Variants in ABCA12 observed in about 807,000 individuals in gnomAD.
ABCA12 encodes the protein glucosylceramide transporter ABCA12.
In ABCA12, 156 loss-of-function variants were observed where a neutral mutation model predicts 293.5. The observed-to-expected ratio is 0.53, with a 90% CI of 0.47 to 0.61. The LOEUF (loss-of-function observed/expected upper bound fraction) is 0.61. ABCA12 is among the 20% of genes least tolerant of loss of function. The pLI, the probability that ABCA12 is intolerant of heterozygous loss-of-function variation, is 0.00. For synonymous variants in ABCA12, 1,063 were observed against 1,108.0 expected (o/e 0.96, Z 0.81); for missense variants, 2,797 against 3,090.2 (o/e 0.91, Z 2.25).
intron 17 of ABCA12, among the ~76,000 whole-genome samples, chr2:215,011,047 A>G (rs1223286125): frequency 6.6e-6 from 1 of 152,074 alleles, no homozygotes; most frequent in African/African-American, 2.4e-5. Flanking sequence ...AATTCTAGAA[A>G]GTTAGGAAAA....
Position 215,138,343 on chromosome 2 carries a change from G to T in ABCA12, c.-135C>A. 2.2e-6 allele frequency: 2 copies of T among 908,470 alleles called. No homozygotes were observed. Among genetic ancestry groups the T allele is most frequent in the Non-Finnish European group, 1.8e-6 (1 of 549,284 alleles). 56.3% of individuals were successfully genotyped at this position (908,470 alleles called of 1,614,324 possible). A position where few individuals can be genotyped will look rare whatever the true frequency, so the allele number is the denominator to read the frequency against. ...CGGCATAGCTTCCTTGAGGGCTGGG[G>T]TAAGAAACCCACAGTTCTTCTGTTT... On this transcript the variant is annotated 5_prime_UTR_variant, in exon 1 of 53. Coordinates refer to ENST00000272895, the MANE Select transcript of ABCA12 (RefSeq NM_173076.3).
rs1274545447 is a variant in ABCA12 at position 214,931,906 on chromosome 2, C to T, written c.*728G>A. On this transcript the variant is annotated 3_prime_UTR_variant, in exon 53 of 53. Coordinates refer to ENST00000272895, the MANE Select transcript of ABCA12 (RefSeq NM_173076.3). Reference sequence around the variant, plus strand: ...CAGCTGACACACCCATTCCCCCCTCCCTTCCCCCCAGAGCAAGTGATTTCT... The same window carrying T: ...CAGCTGACACACCCATTCCCCCCTCTCTTCCCCCCAGAGCAAGTGATTTCT... The T allele has an allele frequency of 6.6e-6, 1 of 152,112 alleles. No individual in the cohort carries two copies. Among genetic ancestry groups the T allele is most frequent in the Non-Finnish European group, 1.5e-5 (1 of 68,090 alleles). The allele number at this position is 152,112 out of a possible 1,614,324, so 9.4% of individuals were successfully genotyped here. A position where few individuals can be genotyped will look rare whatever the true frequency, so the allele number is the denominator to read the frequency against.
intron 37 of ABCA12, 21 bp downstream of exon 37, chr2:214,970,252 G>A (rs1185763204): frequency 1.2e-6 from 2 of 1,607,554 alleles, no homozygotes; most frequent in Middle Eastern, 2.0e-4. Flanking sequence ...AATTAAATAT[G>A]TTATAAACAG....
rs1559129128 is a variant in ABCA12 at position 214,982,373 on chromosome 2, C to A, written c.4393G>T (p.Asp1465Tyr). 1 of 1,613,656 alleles carries A rather than the reference C, an allele frequency of 6.2e-7. No individual in the cohort carries two copies. The highest frequency in any genetic ancestry group is 8.5e-7 in the Non-Finnish European group (1 of 1,179,724). Reference protein sequence around the residue: ...LHEEVKRTLKDTGLYSHRHKR... With the variant: ...LHEEVKRTLKYTGLYSHRHKR... ...TGACGATGGCTATATAGTCCAGTAT[C>A]TTTTAAAGTCCTTCAAAAATAATGT... The change falls in exon 30 of 53, where the codon GAT (aspartate) becomes TAT (tyrosine). Residue 1465 changes from aspartate to tyrosine, a missense_variant. Asp to Tyr is a radical substitution (Grantham distance 160, BLOSUM62 -3). This residue lies in a region of ABCA12 where 2,130 missense variants were observed against 2,427.0 expected (regional missense o/e 0.88). Coordinates refer to ENST00000272895, the MANE Select transcript of ABCA12 (RefSeq NM_173076.3).
rs1242587402 is a variant in ABCA12, at chr2:215,081,478, C to CAAAA, written c.164-17263_164-17260dup. Among the ~76,000 whole-genome samples the CAAAA allele has an allele frequency of 4.6e-4, 8 of 17,394 alleles. 1 individual carries two copies. Among genetic ancestry groups the CAAAA allele is most frequent in the Non-Finnish European group, 6.2e-4 (3 of 4,840 alleles). The allele number at this position is 17,394 out of a possible 152,430, so 11.4% of individuals were successfully genotyped here. A position where few individuals can be genotyped will look rare whatever the true frequency, so the allele number is the denominator to read the frequency against. ...TGGGCAGCAAAGCAAGACTCTGTCT[C>CAAAA]AAAAAAAAAAAAAAGAAAAAGAAAA... On this transcript the variant is annotated intron_variant, in intron 2 of 52. Coordinates refer to ENST00000272895, the MANE Select transcript of ABCA12 (RefSeq NM_173076.3).
At chr2:215,020,909 C>T (rs138135847) in intron 11 of ABCA12, 1,785 of 152,670 alleles carry the variant, frequency 0.012, 36 homozygotes, top group African/African-American at 0.039. Context: ...TACATTGGCA[C>T]GATCACAGCT....
At chr2:215,129,111 T>C (rs1406158818) in intron 1 of ABCA12, among the ~76,000 whole-genome samples, 1 of 152,214 alleles carries the variant, frequency 6.6e-6, no homozygotes, top group Non-Finnish European at 1.5e-5. Context: ...TCTGGACTAG[T>C]ACTGTGGGTT....
At chr2:215,097,557 A>G (rs1252607545) in intron 2 of ABCA12, among the ~76,000 whole-genome samples, 2 of 152,172 alleles carry the variant, frequency 1.3e-5, no homozygotes, top group African/African-American at 4.8e-5. Context: ...CTAGAAATCT[A>G]TGTAACAAAA....
intron 11 of ABCA12, chr2:215,023,337 G>T (rs1417472232): frequency 6.6e-6 from 1 of 152,092 alleles, no homozygotes; most frequent in African/African-American, 2.4e-5. Flanking sequence ...GGACTGAATG[G>T]GTCCCGTCAA....
At chr2:215,008,526 T>G (rs951193342) in intron 18 of ABCA12, among the ~76,000 whole-genome samples, 3 of 152,066 alleles carry the variant, frequency 2.0e-5, no homozygotes, top group Admixed American at 1.3e-4. Flanking sequence ...TTATACCTAT[T>G]GAGTTGGAAA....
chr2:215,126,899 C>T (rs1702937583), intron 1 of ABCA12, among the ~76,000 whole-genome samples: 1 of 151,936 alleles, frequency 6.6e-6, no homozygotes, highest in South Asian at 2.1e-4. Flanking sequence ...TCAATTTGTG[C>T]TCTTTCAGTC....
In ABCA12 at chr2:214,984,094, C is replaced by CTTTTTTTTTTTT. The variant is rs397987755; in HGVS notation, c.4164-241_4164-230dup. 4.2e-4 allele frequency among the ~76,000 whole-genome samples: 39 copies of CTTTTTTTTTTTT among 92,948 alleles called. 2 individuals are homozygous for CTTTTTTTTTTTT. The highest frequency in any genetic ancestry group is 8.4e-4 in the Admixed American group (5 of 5,938). 61.0% of individuals were successfully genotyped at this position (92,948 alleles called of 152,430 possible). On this transcript the variant is annotated intron_variant, in intron 28 of 52. Coordinates refer to ENST00000272895, the MANE Select transcript of ABCA12 (RefSeq NM_173076.3). ...ATGATGATGACAAAAACGATCAGGC[C>CTTTTTTTTTTTT]TTTTTTTTTTTTTTTTTTTTGAGAC...
intron 14 of ABCA12, chr2:215,017,640 CTTTT>C (rs1220749816): frequency 3.8e-4 from 59 of 156,290 alleles, no homozygotes; most frequent in East Asian, 8.4e-4. Flanking sequence ...GAATATAATT[CTTTT>C]TTTTTTTTTT....
Position 215,025,687 on chromosome 2 carries a change from C to G in ABCA12, c.1273G>C (p.Val425Leu). ...YEDYFPPVPE[V>L]LKSKLSQLRN... ...TCATGGCTTACTTTTGATTTTAGGA[C>G]TTCAGGAACTGGAGGAAAGTAATCT... The change falls in exon 11 of 53, where the codon GTC (valine) becomes CTC (leucine). Residue 425 changes from valine (V) to leucine (L), a missense_variant. Val to Leu is a conservative substitution (Grantham distance 32). Around this residue, in one of 3 missense-constraint regions of ABCA12, gnomAD observed 656 missense variants for 638.2 expected, o/e 1.03. Coordinates refer to ENST00000272895, the MANE Select transcript of ABCA12 (RefSeq NM_173076.3). 1 of 1,592,906 alleles carries G rather than the reference C, an allele frequency of 6.3e-7. No homozygotes were observed. The highest frequency in any genetic ancestry group is 8.6e-7 in the Non-Finnish European group (1 of 1,168,830).
intron 2 of ABCA12, among the ~76,000 whole-genome samples, chr2:215,077,896 A>C (rs1701863588): frequency 6.6e-6 from 1 of 152,158 alleles, no homozygotes; most frequent in South Asian, 2.1e-4. Context: ...ACAGTTGTTC[A>C]TAGCCTTATG....
At chr2:214,980,407 G>A in intron 31 of ABCA12, 76 bp downstream of exon 31, 1 of 1,572,166 alleles carries the variant, frequency 6.4e-7, no homozygotes, top group Non-Finnish European at 8.7e-7. Flanking sequence ...GAATAAAGTT[G>A]GAGAGACTCT....
chr2:215,117,941 C>T (rs1193530438), intron 1 of ABCA12, among the ~76,000 whole-genome samples: 2 of 152,118 alleles, frequency 1.3e-5, no homozygotes, highest in Non-Finnish European at 2.9e-5. Context: ...AATGTGAATG[C>T]CTTTAAATAG....
intron 2 of ABCA12, among the ~76,000 whole-genome samples, chr2:215,105,377 C>T (rs970279629): frequency 6.6e-6 from 1 of 152,022 alleles, no homozygotes; most frequent in Non-Finnish European, 1.5e-5. Flanking sequence ...GAGAATGAGA[C>T]GTGTGGAGGA....
chr2:214,978,274 C>T (rs1464985944), intron 33 of ABCA12, 42 bp downstream of exon 33: 12 of 1,610,118 alleles, frequency 7.5e-6, no homozygotes, highest in Non-Finnish European at 1.0e-5. Context: ...TCATTTATGT[C>T]ATCCATTGGA....
Sources: allele counts gnomAD v4.1 joint callset (sites outside exome capture counted in the v4.1 genomes callset), GRCh38; gene constraint gnomAD v4.1.1; regional missense constraint gnomAD v4.1.1; transcripts MANE v1.5; gene names NCBI Gene and HGNC (gene_info 2026-07-23, HGNC 2026-07-21).